EPHA10: variants seen among roughly 807,000 people sequenced by gnomAD.
EPHA10 encodes ephrin type-A receptor 10.
EPHA10 carries 120 observed loss-of-function variants against 109.7 expected under a neutral mutation model. The ratio of observed to expected loss-of-function variants is 1.09; its 90% CI spans 0.94 to 1.27. The LOEUF (loss-of-function observed/expected upper bound fraction) is 1.27, where lower values mean the gene tolerates loss of function less well. EPHA10 is among the 50% of genes most tolerant of loss of function. The pLI is 0.00. For synonymous variants in EPHA10, 640 were observed against 618.9 expected (o/e 1.03, Z -0.51); for missense variants, 1,396 against 1,411.1 (o/e 0.99, Z 0.17).
intron 10 of EPHA10, chr1:37,722,738 G>A (rs1033738004): frequency 2.0e-6 from 1 of 492,838 alleles, no homozygotes; most frequent in East Asian, 4.4e-5. Context: ...AGCTTGCAAA[G>A]GCCCCTCCCC....
intron 2 of EPHA10, 126 bp from the exon 3 acceptor site, chr1:37,762,209 G>A (rs567242057): frequency 1.1e-5 from 10 of 883,070 alleles, no homozygotes; most frequent in South Asian, 3.6e-5. Flanking sequence ...AAGATGCAGC[G>A]CTGGGAGAAA....
chr1:37,726,426 C>T (rs1171854292), intron 8 of EPHA10, among the ~76,000 whole-genome samples: 2 of 152,224 alleles, frequency 1.3e-5, no homozygotes, highest in African/African-American at 4.8e-5. Context: ...TTTCAGGATG[C>T]TGAGATGTGG....
chr1:37,729,353 C>A (rs1645943907), intron 7 of EPHA10, among the ~76,000 whole-genome samples: 1 of 152,172 alleles, frequency 6.6e-6, no homozygotes. Flanking sequence ...TTGTTTTCAC[C>A]TGCTAGATGT....
chr1:37,725,207 T>A (rs1314381361), intron 8 of EPHA10, among the ~76,000 whole-genome samples: 1 of 151,782 alleles, frequency 6.6e-6, no homozygotes, highest in Non-Finnish European at 1.5e-5. Context: ...GGGAACTGGA[T>A]TAAGTATTGG....
intron 5 of EPHA10, among the ~76,000 whole-genome samples, chr1:37,749,471 G>A (rs1480786372): frequency 1.3e-5 from 2 of 151,592 alleles, no homozygotes; most frequent in South Asian, 2.1e-4. Context: ...TCAAGAGTTC[G>A]AGACCAGCCT....
intron 15 of EPHA10, 121 bp from the exon 16 acceptor site, chr1:37,718,937 G>T: frequency 7.8e-7 from 1 of 1,288,688 alleles, no homozygotes; most frequent in African/African-American, 1.5e-5. Context: ...GGGCCCCAGG[G>T]CTGGATCTGG....
chr1:37,761,530 G>A lies in EPHA10; in HGVS notation c.725C>T (p.Ala242Val), dbSNP rs1270605314. Residue 242 changes from alanine (A) to valine (V), a missense_variant, in exon 3 of 17, where the codon GCG (alanine) becomes GTG (valine). Transcript: ENST00000373048. ...TLVEVAGTCV[A>V]HSEGEPGSPP... ...GCTGCCAGGCTCCCCTTCCGAGTGC[G>A]CCACGCACGTTCCGGCCACTTCCAC... is the stretch of plus-strand genomic sequence containing the variant. 1.3e-6 allele frequency: 2 copies of A among 1,598,910 alleles called. No individual in the cohort carries two copies. Among genetic ancestry groups the A allele is most frequent in the East Asian group, 2.2e-5 (1 of 44,758 alleles).
At chr1:37,719,006 G>A in intron 15 of EPHA10, 190 bp from the exon 16 acceptor site, 1 of 736,486 alleles carries the variant, frequency 1.4e-6, no homozygotes, top group Non-Finnish European at 2.2e-6. Context: ...TCAGGCAGGT[G>A]GAGGCAGAGC....
At chr1:37,729,107 G>C (rs1645940125) in intron 7 of EPHA10, among the ~76,000 whole-genome samples, 1 of 152,166 alleles carries the variant, frequency 6.6e-6, no homozygotes, top group South Asian at 2.1e-4. Flanking sequence ...GAAGAATCCA[G>C]TGGTTGTGGT....
chr1:37,748,400 G>A (rs1646272487), intron 5 of EPHA10, among the ~76,000 whole-genome samples: 1 of 151,998 alleles, frequency 6.6e-6, no homozygotes, highest in Admixed American at 6.6e-5. Flanking sequence ...TCCAAAAATG[G>A]CATAGAACCC....
At chr1:37,747,919 A>G (rs1379099551) in intron 5 of EPHA10, among the ~76,000 whole-genome samples, 1 of 152,232 alleles carries the variant, frequency 6.6e-6, no homozygotes, top group Non-Finnish European at 1.5e-5. Context: ...CAAGCATACA[A>G]CAGGAAGAAA....
chr1:37,726,754 G>A (rs149075318), intron 8 of EPHA10, among the ~76,000 whole-genome samples: 2,383 of 152,316 alleles, frequency 0.016, 61 homozygotes, highest in African/African-American at 0.055. Flanking sequence ...GCCTCAAGAG[G>A]CCCGGGGACA....
rs866726907 is a variant in EPHA10 at position 37,735,357 on chromosome 1, C to T, written c.1391G>A (p.Arg464Gln). ...CAGGGACACGCTCTGGGGTTCCACT[C>T]GGTCCCTGCGGATCTCATCCTCCTC... ...PWEEDEIRRD[R>Q]VEPQSVSLSW... Residue 464 changes from arginine to glutamine, a missense_variant, in exon 6 of 17, where the codon CGA becomes CAA. Physicochemically the swap from Arg to Gln is conservative, Grantham distance 43 (BLOSUM62 1). Coordinates refer to ENST00000373048, the MANE Select transcript of EPHA10 (RefSeq NM_001099439.2). 1.3e-6 allele frequency: 2 copies of T among 1,577,400 alleles called. No homozygotes were observed. Among genetic ancestry groups the T allele is most frequent in the Non-Finnish European group, 1.7e-6 (2 of 1,161,548 alleles).
At chr1:37,715,524 C>T (rs548451816), downstream of EPHA10, among the ~76,000 whole-genome samples, 1 of 152,276 alleles carries the variant, frequency 6.6e-6, no homozygotes, top group Admixed American at 6.5e-5. Context: ...CCCCAAAGCT[C>T]TGTCTCTAAC....
At chr1:37,729,798 G>A (rs1645951774) in intron 7 of EPHA10, among the ~76,000 whole-genome samples, 2 of 151,872 alleles carry the variant, frequency 1.3e-5, no homozygotes, top group South Asian at 4.2e-4. Context: ...ACTTAAGCCT[G>A]GAAAGTTGAG....
rs12081124 is a variant in EPHA10, at chr1:37,727,152, C to T, written c.1722G>A (p.Ser574=). 3,042 of 1,612,952 alleles carry T rather than the reference C, an allele frequency of 1.9e-3. 61 individuals carry two copies. The African/African-American group carries it at 0.035, about 19-fold the overall frequency. The change falls in exon 8 of 17, where the codon TCG becomes TCA. Residue 574 remains serine (S), a synonymous_variant. Coordinates refer to ENST00000373048, the MANE Select transcript of EPHA10 (RefSeq NM_001099439.2). ...TCACGGAGCCCAGGACGAGGAGGGC[C>T]GAGATGGTCACTACGGTGACGACAA... is the stretch of plus-strand genomic sequence containing the variant. ...PAIVVTVVTI[S]ALLVLGSVMS... is the part of the protein sequence containing the mutation.
In EPHA10 at chr1:37,753,074, C is replaced by T. The variant is rs1646354626; in HGVS notation, c.1159G>A (p.Gly387Ser). Residue 387 changes from glycine (G) to serine (S), a missense_variant, in exon 5 of 17, where the codon GGC becomes AGC. Gly to Ser is a moderately conservative substitution (Grantham distance 56). Transcript: ENST00000373048. ...CGCGGCCCGCACGGCTCGCAGGCGC[C>T]CGCCGGGCCCTCGCGGCCGCAGCGC... ...CLRCGREGPA[G>S]ACEPCGPRVA... 1.6e-6 allele frequency: 2 copies of T among 1,287,118 alleles called. No individual in the cohort carries two copies. Among genetic ancestry groups the T allele is most frequent in the Non-Finnish European group, 2.0e-6 (2 of 1,018,294 alleles). The allele number at this position is 1,287,118 out of a possible 1,614,324, so 79.7% of individuals were successfully genotyped here.
At chr1:37,749,492 G>A (rs1323985845) in intron 5 of EPHA10, among the ~76,000 whole-genome samples, 2 of 151,744 alleles carry the variant, frequency 1.3e-5, no homozygotes, top group African/African-American at 4.8e-5. Context: ...GGCCAACATG[G>A]CGAAACCCTG....
chr1:37,718,631 C>T lies in EPHA10; in HGVS notation c.2912+30G>A, dbSNP rs750706654. The stretch of plus-strand genomic sequence containing the variant: ...GCAGGGCCTGTGGAATCCCCCAGCC[C>T]CGGCCTTGACCTTGGTGCCTTGGAC... On this transcript the variant is annotated intron_variant, in intron 16 of 16. Coordinates refer to ENST00000373048, the MANE Select transcript of EPHA10 (RefSeq NM_001099439.2). 12 of 1,613,006 alleles carry T rather than the reference C, an allele frequency of 7.4e-6. No individual in the cohort carries two copies. In the Admixed American group the frequency reaches 1.3e-4, roughly 18 times the overall value.
Sources: allele counts gnomAD v4.1 joint callset (sites outside exome capture counted in the v4.1 genomes callset), GRCh38; gene constraint gnomAD v4.1.1; transcripts MANE v1.5; gene names NCBI Gene and HGNC (gene_info 2026-07-23, HGNC 2026-07-21).